USP34: variants seen among roughly 807,000 people sequenced by gnomAD.
USP34 encodes ubiquitin carboxyl-terminal hydrolase 34.
In USP34, 70 loss-of-function variants were observed where a neutral mutation model predicts 460.3. That is an observed-to-expected ratio of 0.15 (90% CI 0.13 to 0.19). The LOEUF (loss-of-function observed/expected upper bound fraction) is 0.19, where lower values mean the gene tolerates loss of function less well. USP34 is among the 10% of genes least tolerant of loss of function. USP34 has a pLI of 1.00. For synonymous variants in USP34, 1,647 were observed against 1,405.3 expected, an observed-to-expected ratio of 1.17 and a Z score of -3.85; for missense variants, 3,985 against 4,236.2, an observed-to-expected ratio of 0.94 and a Z score of 1.65.
intron 66 of USP34, among the ~76,000 whole-genome samples, chr2:61,220,704 A>G (rs890432709): frequency 2.0e-5 from 3 of 152,220 alleles, no homozygotes; most frequent in Non-Finnish European, 2.9e-5. Flanking sequence ...CATAAGACAA[A>G]TATGAGAACT....
chr2:61,252,803 T>C (rs991638701), intron 48 of USP34, among the ~76,000 whole-genome samples: 2 of 152,224 alleles, frequency 1.3e-5, no homozygotes, highest in African/African-American at 2.4e-5. Flanking sequence ...GGTGAAACCA[T>C]GCATTGTGTC....
intron 5 of USP34, among the ~76,000 whole-genome samples, chr2:61,388,456 T>TA (rs34286687): frequency 0.34 from 43,346 of 129,318 alleles, 7,359 homozygotes; most frequent in Non-Finnish European, 0.38. Context: ...CAGGGGAGTT[T>TA]AAAAAAAAAA....
At chr2:61,271,155 G>C (rs1326224978) in intron 41 of USP34, among the ~76,000 whole-genome samples, 1 of 152,030 alleles carries the variant, frequency 6.6e-6, no homozygotes, top group Non-Finnish European at 1.5e-5. Context: ...CAAAAATTTA[G>C]CTGGGTGTGG....
intron 12 of USP34, among the ~76,000 whole-genome samples, chr2:61,349,519 A>C (rs148236937): frequency 6.6e-6 from 1 of 152,016 alleles, no homozygotes; most frequent in Non-Finnish European, 1.5e-5. Context: ...ATGTTTCAGA[A>C]AGCCCTTGAA....
At chr2:61,462,091 TAGTC>T (rs1424110037) in intron 1 of USP34, among the ~76,000 whole-genome samples, 3 of 151,250 alleles carry the variant, frequency 2.0e-5, no homozygotes, top group Non-Finnish European at 2.9e-5. Context: ...TAACAAAAAT[TAGTC>T]AGGCATGGTG....
At chr2:61,331,967 A>G (rs1691281164) in intron 19 of USP34, among the ~76,000 whole-genome samples, 1 of 152,108 alleles carries the variant, frequency 6.6e-6, no homozygotes, top group Non-Finnish European at 1.5e-5. Context: ...GTACAGATGT[A>G]GAAGTATTAA....
chr2:61,383,701 C>A (rs1010652405), intron 5 of USP34, among the ~76,000 whole-genome samples: 3 of 152,050 alleles, frequency 2.0e-5, no homozygotes, highest in African/African-American at 7.2e-5. Context: ...GCCTGGGCAA[C>A]GGAGCGAGAC....
chr2:61,300,161 G>GA (rs1248933557), intron 29 of USP34, among the ~76,000 whole-genome samples: 1 of 152,126 alleles, frequency 6.6e-6, no homozygotes, highest in African/African-American at 2.4e-5. Context: ...ACAAAAATCA[G>GA]AACATGTGTT....
At chr2:61,209,744 C>T (rs151065463) in intron 69 of USP34, among the ~76,000 whole-genome samples, 2 of 152,274 alleles carry the variant, frequency 1.3e-5, no homozygotes, top group African/African-American at 4.8e-5. Context: ...CAGCCTTAGA[C>T]AGGCCCTACA....
chr2:61,462,955 C>T (rs1695649804), intron 1 of USP34, among the ~76,000 whole-genome samples: 1 of 151,352 alleles, frequency 6.6e-6, no homozygotes, highest in Admixed American at 6.6e-5. Flanking sequence ...CACTTGAGCC[C>T]AGGAGGTCAA....
chr2:61,245,556 A>G (rs1482146437), intron 50 of USP34, among the ~76,000 whole-genome samples: 1 of 151,986 alleles, frequency 6.6e-6, no homozygotes, highest in South Asian at 2.1e-4. Flanking sequence ...TTGCTTTAAT[A>G]TAACATGTAA....
At chr2:61,361,245 T>C (rs1051910866) in intron 10 of USP34, among the ~76,000 whole-genome samples, 1 of 152,142 alleles carries the variant, frequency 6.6e-6, no homozygotes, top group Non-Finnish European at 1.5e-5. Context: ...ACCCAGTCTC[T>C]ACAAAACAAT....
intron 47 of USP34, 112 bp from the exon 48 acceptor site, chr2:61,256,590 T>TA (rs34715544): frequency 6.9e-4 from 477 of 695,162 alleles, no homozygotes; most frequent in Non-Finnish European, 8.7e-4. Flanking sequence ...ATTTTTTTTT[T>TA]AAAAGTGAAT....
chr2:61,291,455 TAAC>T (rs1338575598), intron 33 of USP34, among the ~76,000 whole-genome samples: 5 of 152,192 alleles, frequency 3.3e-5, no homozygotes, highest in Middle Eastern at 3.2e-3. Flanking sequence ...CAACTGTTTA[TAAC>T]AACATTATTG....
chr2:61,393,429 TAA>T (rs33954205), intron 5 of USP34, among the ~76,000 whole-genome samples: 99 of 129,824 alleles, frequency 7.6e-4, no homozygotes, highest in African/African-American at 1.7e-3. Context: ...AGACTCCGTC[TAA>T]AAAAAAAAAA....
intron 5 of USP34, among the ~76,000 whole-genome samples, chr2:61,394,188 G>C (rs184370469): frequency 4.7e-4 from 71 of 152,216 alleles, no homozygotes; most frequent in African/African-American, 1.3e-3. Context: ...GATACTCACA[G>C]GATACAGAAG....
At chr2:61,342,526 A>C (rs548833509) in intron 16 of USP34, among the ~76,000 whole-genome samples, 1 of 151,160 alleles carries the variant, frequency 6.6e-6, no homozygotes, top group East Asian at 2.0e-4. Flanking sequence ...TGGCTAGACT[A>C]GTCTCGAACT....
At chr2:61,386,596 C>A (rs1693152368) in intron 5 of USP34, among the ~76,000 whole-genome samples, 1 of 151,972 alleles carries the variant, frequency 6.6e-6, no homozygotes, top group African/African-American at 2.4e-5. Flanking sequence ...CGAGACCATC[C>A]TGGCCAACAT....
intron 1 of USP34, among the ~76,000 whole-genome samples, chr2:61,434,680 C>A (rs1042866478): frequency 6.6e-6 from 1 of 151,870 alleles, no homozygotes; most frequent in Admixed American, 6.6e-5. Flanking sequence ...TGTGTCCACA[C>A]AGAACCAAGG....
Sources: allele counts gnomAD v4.1 joint callset (sites outside exome capture counted in the v4.1 genomes callset), GRCh38; gene constraint gnomAD v4.1.1; transcripts MANE v1.5; gene names NCBI Gene and HGNC (gene_info 2026-07-23, HGNC 2026-07-21).